DIS3L2: variants seen among roughly 807,000 people sequenced by gnomAD.
DIS3L2 encodes the protein DIS3 like 3'-5' exoribonuclease 2.
A neutral mutation model predicts 97.5 loss-of-function variants in DIS3L2; 34 were observed. The observed-to-expected ratio is 0.35, with a 90% CI of 0.27 to 0.46. The LOEUF (loss-of-function observed/expected upper bound fraction) is 0.46, where lower values mean the gene tolerates loss of function less well. DIS3L2 is among the 20% of genes least tolerant of loss of function. The pLI, the probability that DIS3L2 is intolerant of heterozygous loss-of-function variation, is 1.00. For synonymous variants in DIS3L2, 435 were observed against 445.2 expected, an observed-to-expected ratio of 0.98 and a Z score of 0.29; for missense variants, 1,038 against 1,146.0, an observed-to-expected ratio of 0.91 and a Z score of 1.36.
At chr2:232,257,119 A>G (rs954732208) in intron 12 of DIS3L2, among the ~76,000 whole-genome samples, 4 of 152,172 alleles carry the variant, frequency 2.6e-5, no homozygotes, top group African/African-American at 9.7e-5. Flanking sequence ...GATTGTGTGC[A>G]ATGGTGCTTC....
At chr2:232,090,178 T>C (rs1387337749) in intron 6 of DIS3L2, among the ~76,000 whole-genome samples, 1 of 152,150 alleles carries the variant, frequency 6.6e-6, no homozygotes, top group East Asian at 1.9e-4. Flanking sequence ...CAAGCGATCC[T>C]CCTGCTTTGG....
intron 5 of DIS3L2, among the ~76,000 whole-genome samples, chr2:232,045,546 C>A (rs1159322069): frequency 1.3e-5 from 2 of 152,132 alleles, no homozygotes; most frequent in African/African-American, 4.8e-5. Flanking sequence ...AATGCTGTGT[C>A]CTCACATGGC....
intron 10 of DIS3L2, among the ~76,000 whole-genome samples, chr2:232,234,399 G>A (rs1418631806): frequency 6.6e-6 from 1 of 152,142 alleles, no homozygotes; most frequent in Non-Finnish European, 1.5e-5. Context: ...GCTCAGGGTG[G>A]AGTGCAGTGG....
intron 9 of DIS3L2, among the ~76,000 whole-genome samples, chr2:232,200,548 T>A (rs1287702349): frequency 6.6e-6 from 1 of 152,020 alleles, no homozygotes; most frequent in East Asian, 1.9e-4. Context: ...AAAAGAATAG[T>A]AGTGGTAGTC....
chr2:232,115,992 C>G (rs1023457722), intron 6 of DIS3L2, among the ~76,000 whole-genome samples: 1 of 151,876 alleles, frequency 6.6e-6, no homozygotes, highest in African/African-American at 2.4e-5. Flanking sequence ...GCCAACATGA[C>G]AAAACCCTGT....
chr2:232,013,774 G>A (rs1694277428), intron 1 of DIS3L2, among the ~76,000 whole-genome samples: 1 of 152,084 alleles, frequency 6.6e-6, no homozygotes, highest in East Asian at 1.9e-4. Context: ...CCATTCCCTT[G>A]CTGTTTATAT....
rs541586505 is a variant in DIS3L2, at chr2:232,143,635, A to G, written c.950+6916A>G. ...GATCACTATTAAGGTTTTGGTATAC[A>G]TTTGACTAAAATATTGTTTTAAAAA... is the stretch of plus-strand genomic sequence containing the variant. On this transcript the variant is annotated intron_variant, in intron 8 of 20. Transcript: ENST00000325385. Among the ~76,000 whole-genome samples, 104 of 152,284 alleles carry G rather than the reference A, an allele frequency of 6.8e-4. 1 individual carries two copies. The highest frequency in any genetic ancestry group is 2.4e-3 in the African/African-American group (99 of 41,582).
intron 1 of DIS3L2, among the ~76,000 whole-genome samples, chr2:231,968,041 T>A (rs1201099345): frequency 6.6e-6 from 1 of 151,928 alleles, no homozygotes; most frequent in African/African-American, 2.4e-5. Context: ...TCATATCTAT[T>A]ATGCCCAAAG....
intron 9 of DIS3L2, among the ~76,000 whole-genome samples, chr2:232,186,102 A>G (rs1364187625): frequency 6.6e-6 from 1 of 152,178 alleles, no homozygotes; most frequent in Non-Finnish European, 1.5e-5. Flanking sequence ...AAGTGCTGGG[A>G]TTATAGGCGT....
intron 5 of DIS3L2, among the ~76,000 whole-genome samples, chr2:232,039,195 T>C (rs1695039492): frequency 6.6e-6 from 1 of 152,226 alleles, no homozygotes; most frequent in Non-Finnish European, 1.5e-5. Context: ...GGGGGAGTTC[T>C]GTTGTCCTTA....
chr2:232,209,105 A>G (rs1038746174), intron 9 of DIS3L2, among the ~76,000 whole-genome samples: 3 of 152,170 alleles, frequency 2.0e-5, no homozygotes, highest in African/African-American at 7.2e-5. Context: ...TACAGAATTG[A>G]TGGCGCATCT....
At chr2:232,055,017 C>T (rs1387234722) in intron 5 of DIS3L2, among the ~76,000 whole-genome samples, 1 of 152,134 alleles carries the variant, frequency 6.6e-6, no homozygotes, top group Non-Finnish European at 1.5e-5. Flanking sequence ...TATGGTTACT[C>T]TAGTTTCTGT....
At chr2:232,115,102 C>A (rs1274243889) in intron 6 of DIS3L2, among the ~76,000 whole-genome samples, 1 of 152,064 alleles carries the variant, frequency 6.6e-6, no homozygotes, top group East Asian at 1.9e-4. Flanking sequence ...TTCATGAGAG[C>A]AGAGCCCTCC....
intron 5 of DIS3L2, among the ~76,000 whole-genome samples, chr2:232,048,263 C>G (rs1336446700): frequency 6.6e-6 from 1 of 152,214 alleles, no homozygotes; most frequent in East Asian, 1.9e-4. Flanking sequence ...ACTATATGAG[C>G]AGCAGCTGTG....
intron 5 of DIS3L2, among the ~76,000 whole-genome samples, chr2:232,031,073 AATGTCTCATC>A: frequency 6.6e-6 from 1 of 152,180 alleles, no homozygotes; most frequent in East Asian, 1.9e-4. Flanking sequence ...TTCTGCTGCA[AATGTCTCATC>A]TGTAAAATGG....
intron 13 of DIS3L2, among the ~76,000 whole-genome samples, chr2:232,288,120 T>C (rs1694495321): frequency 1.3e-5 from 2 of 152,136 alleles, no homozygotes; most frequent in South Asian, 4.2e-4. Flanking sequence ...AGGAGGTAGA[T>C]TGGCTGCCCC....
intron 19 of DIS3L2, 100 bp downstream of exon 19, chr2:232,334,835 C>T: frequency 1.0e-6 from 1 of 994,150 alleles, no homozygotes. Context: ...CCCCTCGCTC[C>T]CCCAGCCCTA....
At position 232,069,840 on chromosome 2, in the gene DIS3L2, T is replaced by C. The variant is rs138529105; in HGVS notation, c.367-17647T>C. Among the ~76,000 whole-genome samples, 508 of 152,230 alleles carry C rather than the reference T, an allele frequency of 3.3e-3. 1 individual carries two copies. The highest frequency in any genetic ancestry group is 4.7e-3 in the Non-Finnish European group (317 of 68,022). ...ACATACACACATACACACAGGCACA[T>C]ACACACATCTGTGCACACACTGTCC... On this transcript the variant is annotated intron_variant, in intron 5 of 20. Coordinates refer to ENST00000325385, the MANE Select transcript of DIS3L2 (RefSeq NM_152383.5).
intron 14 of DIS3L2, among the ~76,000 whole-genome samples, chr2:232,318,495 C>A (rs889814329): frequency 3.9e-5 from 6 of 152,190 alleles, no homozygotes; most frequent in African/African-American, 1.4e-4. Context: ...AAGCCCACAG[C>A]CCATCGAGGA....
Sources: allele counts gnomAD v4.1 joint callset (sites outside exome capture counted in the v4.1 genomes callset), GRCh38; gene constraint gnomAD v4.1.1; transcripts MANE v1.5; gene names NCBI Gene and HGNC (gene_info 2026-07-23, HGNC 2026-07-21).